Variants in CENPQ observed in about 807,000 individuals in gnomAD.
CENPQ encodes chromosome 6 open reading frame 139.
In CENPQ, 27 loss-of-function variants were observed where a neutral mutation model predicts 36.6. That is an observed-to-expected ratio of 0.74 (90% CI 0.54 to 1.02). The LOEUF is 1.02. CENPQ is among the 50% of genes least tolerant of loss of function. The pLI, the probability that CENPQ is intolerant of heterozygous loss-of-function variation, is 0.00. For missense variants in CENPQ, 306 were observed against 301.8 expected, an observed-to-expected ratio of 1.01 and a Z score of -0.10; for synonymous variants, 101 against 101.7, an observed-to-expected ratio of 0.99 and a Z score of 0.04.
At chr6:49,468,381 T>G (rs1481540612) in intron 1 of CENPQ, among the ~76,000 whole-genome samples, 1 of 151,766 alleles carries the variant, frequency 6.6e-6, no homozygotes, top group African/African-American at 2.4e-5. Flanking sequence ...TCACTTGAGG[T>G]CAGGAGTTCG....
At chr6:49,473,706 G>C (rs905956292) in intron 5 of CENPQ, among the ~76,000 whole-genome samples, 3 of 152,092 alleles carry the variant, frequency 2.0e-5, no homozygotes, top group Admixed American at 2.0e-4. Flanking sequence ...AAATGCTCCA[G>C]TTAAAAGACA....
At chr6:49,464,699 A>T (rs1034613613) in intron 1 of CENPQ, among the ~76,000 whole-genome samples, 2 of 152,238 alleles carry the variant, frequency 1.3e-5, no homozygotes, top group Admixed American at 1.3e-4. Context: ...AACTTCGCTC[A>T]TTCATAAGAA....
At chr6:49,470,409 CT>C in intron 2 of CENPQ, 131 bp downstream of exon 2, 1 of 498,226 alleles carries the variant, frequency 2.0e-6, no homozygotes. Flanking sequence ...CGAAACCATC[CT>C]GGCTAACATG....
rs188726857 is a variant in CENPQ at position 49,476,918 on chromosome 6, C to G, written c.348-4033C>G. On this transcript the variant is annotated intron_variant, in intron 5 of 8. Coordinates refer to ENST00000335783, the MANE Select transcript of CENPQ (RefSeq NM_018132.4). ...TGGCGATCATTAAAAAGTCAGGAAA[C>G]AACAGGTGCTGGAGAGGACATGCAG... is the stretch of plus-strand genomic sequence containing the variant. Among the ~76,000 whole-genome samples, 13 of 152,320 alleles carry G rather than the reference C, an allele frequency of 8.5e-5. No homozygotes were observed. In the East Asian group the frequency reaches 2.3e-3, roughly 27 times the overall value.
At chr6:49,488,941 A>G (rs1361727194) in intron 8 of CENPQ, among the ~76,000 whole-genome samples, 1 of 151,982 alleles carries the variant, frequency 6.6e-6, no homozygotes, top group African/African-American at 2.4e-5. Context: ...GTTAACAATC[A>G]TCTGCACCTT....
At position 49,492,890 on chromosome 6, in the gene CENPQ, C is replaced by A. The variant is rs1768760620; in HGVS notation, c.*615C>A. The A allele has an allele frequency of 6.6e-6, 1 of 152,328 alleles. No individual in the cohort carries two copies. The highest frequency in any genetic ancestry group is 6.6e-5 in the Admixed American group (1 of 15,250). 9.4% of individuals were successfully genotyped at this position (152,328 alleles called of 1,614,324 possible). ...TTTTCTACTGTCATCAAAACATATT[C>A]CCAAAAAGTATTAAAAAGGAACCTT... On this transcript the variant is annotated 3_prime_UTR_variant, in exon 9 of 9. Coordinates refer to ENST00000335783, the MANE Select transcript of CENPQ (RefSeq NM_018132.4).
At chr6:49,470,431 G>A (rs1205768145) in intron 2 of CENPQ, among the ~76,000 whole-genome samples, 153 bp downstream of exon 2, 8 of 149,558 alleles carry the variant, frequency 5.3e-5, no homozygotes, top group South Asian at 2.1e-4. Context: ...ATGAAACCCC[G>A]TCTCTACTTA....
chr6:49,470,448 AC>A (rs1426893533), intron 2 of CENPQ, among the ~76,000 whole-genome samples, 170 bp downstream of exon 2: 2 of 151,010 alleles, frequency 1.3e-5, no homozygotes, highest in African/African-American at 4.9e-5. Flanking sequence ...CTTAAAAAAA[AC>A]AAAAAAAAAA....
chr6:49,468,950 T>A (rs564448003), intron 1 of CENPQ, among the ~76,000 whole-genome samples: 1 of 152,138 alleles, frequency 6.6e-6, no homozygotes, highest in African/African-American at 2.4e-5. Context: ...AGGGTGTAGA[T>A]GTAAAGTTGA....
chr6:49,467,742 T>G (rs929902716), intron 1 of CENPQ, among the ~76,000 whole-genome samples: 5 of 152,128 alleles, frequency 3.3e-5, no homozygotes, highest in African/African-American at 1.2e-4. Context: ...ACCCAAGCTA[T>G]AAATAAGTAC....
chr6:49,475,356 T>C (rs1768259537), intron 5 of CENPQ, among the ~76,000 whole-genome samples: 3 of 152,164 alleles, frequency 2.0e-5, no homozygotes. Flanking sequence ...AGAAAAGGCC[T>C]TTGACAAAAT....
At chr6:49,470,450 A>C (rs1768102597) in intron 2 of CENPQ, among the ~76,000 whole-genome samples, 172 bp downstream of exon 2, 1 of 141,848 alleles carries the variant, frequency 7.0e-6, no homozygotes, top group Admixed American at 7.1e-5. Flanking sequence ...TAAAAAAAAC[A>C]AAAAAAAAAA....
At chr6:49,490,093 C>T (rs1260169797) in intron 8 of CENPQ, among the ~76,000 whole-genome samples, 1 of 152,226 alleles carries the variant, frequency 6.6e-6, no homozygotes, top group Non-Finnish European at 1.5e-5. Flanking sequence ...GCTTTGAAGC[C>T]AGGCATTGCC....
chr6:49,464,091 A>C (rs561342186), intron 1 of CENPQ, among the ~76,000 whole-genome samples: 1 of 152,182 alleles, frequency 6.6e-6, no homozygotes, highest in Admixed American at 6.5e-5. Context: ...AAATATTTCA[A>C]AATGTTATTA....
chr6:49,479,207 T>C (rs1401807538), intron 5 of CENPQ, among the ~76,000 whole-genome samples: 1 of 152,110 alleles, frequency 6.6e-6, no homozygotes, highest in Non-Finnish European at 1.5e-5. Flanking sequence ...TTACAAAAAT[T>C]AAAATTTTAT....
chr6:49,473,372 A>G (rs1291089528), intron 5 of CENPQ, among the ~76,000 whole-genome samples: 1 of 152,180 alleles, frequency 6.6e-6, no homozygotes, highest in Non-Finnish European at 1.5e-5. Flanking sequence ...ATTTTCAATA[A>G]TTACTTTTCT....
At chr6:49,481,395 C>T (rs1259781324) in intron 6 of CENPQ, among the ~76,000 whole-genome samples, 6 of 151,902 alleles carry the variant, frequency 3.9e-5, no homozygotes, top group East Asian at 3.9e-4. Flanking sequence ...TTAAAGGTGA[C>T]GTGTCTGGAA....
At chr6:49,489,430 A>G (rs978462574) in intron 8 of CENPQ, among the ~76,000 whole-genome samples, 2 of 152,192 alleles carry the variant, frequency 1.3e-5, no homozygotes, top group African/African-American at 4.8e-5. Flanking sequence ...TGTTTCCACC[A>G]CATCTTCAGT....
chr6:49,490,172 T>C (rs1768686883), intron 8 of CENPQ, among the ~76,000 whole-genome samples: 1 of 152,250 alleles, frequency 6.6e-6, no homozygotes, highest in African/African-American at 2.4e-5. Flanking sequence ...TTTATTTACA[T>C]TGAAAATATG....
Sources: gnomAD v4.1 joint callset for allele counts (sites outside exome capture counted in the v4.1 genomes callset) on GRCh38, gnomAD v4.1.1 for gene constraint, MANE v1.5 for transcripts, NCBI Gene and HGNC (gene_info 2026-07-23, HGNC 2026-07-21) for gene names.